ANKS1B: variants seen among roughly 807,000 people sequenced by gnomAD.
The protein encoded by ANKS1B is ankyrin repeat and sterile alpha motif domain-containing protein 1B.
In ANKS1B, 36 loss-of-function variants were observed where a neutral mutation model predicts 148.3. That is an observed-to-expected ratio of 0.24 (90% CI 0.19 to 0.32). ANKS1B has a LOEUF of 0.32. Among genes scored for constraint, ANKS1B ranks in the 10% least tolerant of loss-of-function variants. The pLI, the probability that ANKS1B is intolerant of heterozygous loss-of-function variation, is 1.00. For missense variants in ANKS1B, 1,157 were observed against 1,542.6 expected (o/e 0.75, Z 4.19); for synonymous variants, 542 against 560.8 (o/e 0.97, Z 0.47).
At position 99,027,825 on chromosome 12, in the gene ANKS1B, A is replaced by T. The variant is rs572369531; in HGVS notation, c.2778+25332T>A. Among the ~76,000 whole-genome samples, 5 of 152,334 alleles carry T rather than the reference A, an allele frequency of 3.3e-5. No individual in the cohort carries two copies. The East Asian group carries it at 7.7e-4, about 24-fold the overall frequency. On this transcript the variant is annotated intron_variant, in intron 17 of 26. Transcript: ENST00000683438. ...TTAATACTCATCCTGCCATCCTGAAAATGTATTGTTAGAAAAGAACATTAT... is the reference window on the plus strand; with the variant it reads ...TTAATACTCATCCTGCCATCCTGAATATGTATTGTTAGAAAAGAACATTAT...
intron 6 of ANKS1B, 41 bp from the exon 7 acceptor site, chr12:99,775,702 T>C: frequency 8.5e-7 from 1 of 1,172,852 alleles, no homozygotes; most frequent in East Asian, 2.4e-5. Context: ...TTGAATTCAT[T>C]TATTTTAAAA....
intron 17 of ANKS1B, among the ~76,000 whole-genome samples, chr12:98,890,012 A>G (rs1442527656): frequency 1.3e-5 from 2 of 152,178 alleles, no homozygotes; most frequent in African/African-American, 4.8e-5. Context: ...AGCGAACGAG[A>G]GGAAAGAAGA....
intron 12 of ANKS1B, among the ~76,000 whole-genome samples, chr12:99,376,997 C>T (rs904406230): frequency 6.6e-6 from 1 of 151,436 alleles, no homozygotes; most frequent in African/African-American, 2.4e-5. Flanking sequence ...ACACACACAC[C>T]CCACCCACAC....
intron 8 of ANKS1B, among the ~76,000 whole-genome samples, chr12:99,674,196 CA>C (rs2098551162): frequency 6.6e-6 from 1 of 151,684 alleles, no homozygotes; most frequent in Non-Finnish European, 1.5e-5. Flanking sequence ...TCAAAGATGG[CA>C]AATCTTCCTC....
At chr12:98,831,810 G>T in intron 18 of ANKS1B, 1 of 554,766 alleles carries the variant, frequency 1.8e-6, no homozygotes, top group Non-Finnish European at 3.3e-6. Context: ...GTGCAGTGGT[G>T]CGATCTCTGC....
At chr12:98,783,424 T>C (rs2098756933) in intron 22 of ANKS1B, among the ~76,000 whole-genome samples, 1 of 152,196 alleles carries the variant, frequency 6.6e-6, no homozygotes, top group African/African-American at 2.4e-5. Context: ...CACATGAACA[T>C]GCCTGCTAGG....
At chr12:99,274,042 G>A (rs546324589) in intron 12 of ANKS1B, among the ~76,000 whole-genome samples, 15 of 152,144 alleles carry the variant, frequency 9.9e-5, no homozygotes, top group African/African-American at 2.4e-4. Flanking sequence ...TTTTTAGGGC[G>A]GAGGAGACTC....
intron 1 of ANKS1B, among the ~76,000 whole-genome samples, chr12:99,965,108 C>CG (rs1222587846): frequency 1.3e-4 from 20 of 152,134 alleles, no homozygotes; most frequent in African/African-American, 4.8e-4. Flanking sequence ...AAGCCATGAG[C>CG]ATAACAATAC....
At chr12:99,026,023 G>T (rs2099948545) in intron 17 of ANKS1B, among the ~76,000 whole-genome samples, 1 of 152,146 alleles carries the variant, frequency 6.6e-6, no homozygotes, top group African/African-American at 2.4e-5. Context: ...AACACACAAA[G>T]AAATAAATTC....
intron 17 of ANKS1B, among the ~76,000 whole-genome samples, chr12:98,892,177 T>C (rs61932189): frequency 0.41 from 62,157 of 152,100 alleles, 13,871 homozygotes; most frequent in Middle Eastern, 0.57. Context: ...TTGGTGTTTC[T>C]ACAGAATGTG....
chr12:99,584,812 G>A (rs902299758), intron 9 of ANKS1B, among the ~76,000 whole-genome samples: 22 of 152,132 alleles, frequency 1.4e-4, no homozygotes, highest in Non-Finnish European at 2.6e-4. Context: ...AACAGATCGC[G>A]TGAGACTTAT....
chr12:99,228,372 C>T (rs977291483), intron 14 of ANKS1B, among the ~76,000 whole-genome samples: 1 of 151,904 alleles, frequency 6.6e-6, no homozygotes, highest in Admixed American at 6.6e-5. Flanking sequence ...CTGTATATGG[C>T]ATGATTTCAT....
At position 99,308,063 on chromosome 12, in the gene ANKS1B, A is replaced by C. The variant is rs17029218; in HGVS notation, c.1757-61199T>G. On this transcript the variant is annotated intron_variant, in intron 12 of 26. Transcript: ENST00000683438. Reference sequence around the variant, plus strand: ...GATTAAACAAACGATTATAGCAACAAATGAATGATTGTGACTCGTTTAACT... The same window carrying C: ...GATTAAACAAACGATTATAGCAACACATGAATGATTGTGACTCGTTTAACT... Among the ~76,000 whole-genome samples the C allele has an allele frequency of 3.5e-3, 529 of 152,184 alleles. 32 individuals are homozygous for C. The East Asian group carries it at 0.083, about 24-fold the overall frequency.
At chr12:99,647,309 T>C (rs919832155) in intron 9 of ANKS1B, among the ~76,000 whole-genome samples, 4 of 152,194 alleles carry the variant, frequency 2.6e-5, no homozygotes, top group African/African-American at 9.7e-5. Flanking sequence ...AGAAGCTCCA[T>C]AATTTATTTA....
At chr12:99,637,884 G>A (rs1598582953) in intron 9 of ANKS1B, among the ~76,000 whole-genome samples, 1 of 151,278 alleles carries the variant, frequency 6.6e-6, no homozygotes, top group African/African-American at 2.4e-5. Context: ...AAAAAAGAGA[G>A]AGAGATCCTG....
chr12:99,241,507 C>T (rs931247849), intron 14 of ANKS1B, among the ~76,000 whole-genome samples: 10 of 152,136 alleles, frequency 6.6e-5, no homozygotes, highest in Non-Finnish European at 1.3e-4. Flanking sequence ...GAAACTTTTC[C>T]AATCAATAGA....
At chr12:99,470,683 CTATGA>C in intron 10 of ANKS1B, among the ~76,000 whole-genome samples, 1 of 152,234 alleles carries the variant, frequency 6.6e-6, no homozygotes, top group East Asian at 1.9e-4. Context: ...TGCAATATAG[CTATGA>C]TATGTCTATC....
Position 98,948,947 on chromosome 12 carries a change from C to CTTTT in ANKS1B, c.2778+104206_2778+104209dup, listed in dbSNP as rs869145338. ...AGGGGTGAGATATGAGCATGAGCTA[C>CTTTT]TTTTTTTTTTTTTTTTTTTTTTTGA... On this transcript the variant is annotated intron_variant, in intron 17 of 26. Coordinates refer to ENST00000683438, the MANE Select transcript of ANKS1B (RefSeq NM_001352186.2). Among the ~76,000 whole-genome samples, 602 of 84,824 alleles carry CTTTT rather than the reference C, an allele frequency of 7.1e-3. 132 individuals carry two copies. The highest frequency in any genetic ancestry group is 0.04 in the African/African-American group (581 of 14,704). The allele number at this position is 84,824 out of a possible 152,430, so 55.6% of individuals were successfully genotyped here.
intron 22 of ANKS1B, chr12:98,794,676 C>T: frequency 1.1e-6 from 1 of 911,550 alleles, no homozygotes; most frequent in South Asian, 1.3e-5. Context: ...AAAGAGCTTA[C>T]AGTGGATAAT....
Sources: gnomAD v4.1 joint callset for allele counts (sites outside exome capture counted in the v4.1 genomes callset) on GRCh38, gnomAD v4.1.1 for gene constraint, MANE v1.5 for transcripts, NCBI Gene and HGNC (gene_info 2026-07-23, HGNC 2026-07-21) for gene names.